Variants in HCN2 observed in about 807,000 individuals in gnomAD.
The protein encoded by HCN2 is potassium/sodium hyperpolarization-activated cyclic nucleotide-gated channel 2.
In HCN2, 20 loss-of-function variants were observed where a neutral mutation model predicts 52.3. The ratio of observed to expected loss-of-function variants is 0.38; its 90% confidence interval spans 0.27 to 0.56. The LOEUF is 0.56. HCN2 is among the 20% of genes least tolerant of loss of function. The pLI, the probability that HCN2 is intolerant of heterozygous loss-of-function variation, is 0.71. For synonymous variants in HCN2, 694 were observed against 537.0 expected (o/e 1.29, Z -4.04); for missense variants, 981 against 1,207.7 (o/e 0.81, Z 2.78).
chr19:590,882 G>A lies in HCN2; in HGVS notation c.632+305G>A. 4.8e-6 allele frequency: 1 copy of A among 207,248 alleles called. No individual in the cohort carries two copies. The highest frequency in any genetic ancestry group is 9.6e-6 in the Non-Finnish European group (1 of 104,102). 12.8% of individuals were successfully genotyped at this position (207,248 alleles called of 1,614,324 possible). On this transcript the variant is annotated intron_variant, in intron 1 of 7. Coordinates refer to ENST00000251287, the MANE Select transcript of HCN2 (RefSeq NM_001194.4). The surrounding 1 kb of genome is among the most constrained non-coding windows in gnomAD (Gnocchi z 7.2). ...GCCAGGGTCTGAGCGCAGAGGGGCA[G>A]AGAGGACGAATAGAGGGGAACGTGG...
At chr19:605,311 T>G in intron 3 of HCN2, 89 bp downstream of exon 3, 1 of 1,179,386 alleles carries the variant, frequency 8.5e-7, no homozygotes, top group South Asian at 1.5e-5. Context: ...TACAGAGGGT[T>G]GAACCCAAGC....
Position 598,013 on chromosome 19 carries a change from G to A in HCN2, c.633-5531G>A, listed in dbSNP as rs111387950. Among the ~76,000 whole-genome samples the A allele has an allele frequency of 5.6e-4, 85 of 152,290 alleles. 1 individual carries two copies. Among genetic ancestry groups the A allele is most frequent in the African/African-American group, 2.0e-3 (82 of 41,562 alleles). On this transcript the variant is annotated intron_variant, in intron 1 of 7. Coordinates refer to ENST00000251287, the MANE Select transcript of HCN2 (RefSeq NM_001194.4). ...TGGTTTTGTCCCAAGACTGGTGCTC[G>A]AAGGTGGGAGGCAGGTCTCAATCCA...
At position 613,987 on chromosome 19, in the gene HCN2, C is replaced by T. The variant is rs1983786126; in HGVS notation, c.1961C>T (p.Thr654Met). ...EYPMMRRAFE[T>M]VAIDRLDRIG... ...CCCATGATGCGGCGCGCCTTCGAGA[C>T]GGTGGCCATCGACCGCCTGGACCGC... Residue 654 changes from threonine to methionine, a missense_variant, in exon 7 of 8, where the codon ACG (threonine) becomes ATG (methionine). By Grantham distance (81) the Thr-to-Met change is moderately conservative. This residue lies in a region of HCN2 where 85 missense variants were observed against 106.1 expected (regional missense o/e 0.80). Transcript: ENST00000251287. 5.9e-6 allele frequency: 8 copies of T among 1,352,480 alleles called. No individual in the cohort carries two copies. The highest frequency in any genetic ancestry group is 7.8e-6 in the Non-Finnish European group (8 of 1,024,052). The allele number at this position is 1,352,480 out of a possible 1,614,324, so 83.8% of individuals were successfully genotyped here.
At chr19:606,803 A>G (rs1157115468) in intron 3 of HCN2, among the ~76,000 whole-genome samples, 2 of 151,028 alleles carry the variant, frequency 1.3e-5, no homozygotes, top group African/African-American at 4.9e-5. Context: ...GCGAGCTGAG[A>G]TCACACCATT....
intron 5 of HCN2, 79 bp from the exon 6 acceptor site, chr19:613,169 T>C: frequency 6.7e-7 from 1 of 1,502,090 alleles, no homozygotes; most frequent in Non-Finnish European, 8.9e-7. Context: ...GTCCGAGAGG[T>C]GAGCCGGTCC....
In HCN2 at chr19:613,765, A is replaced by C. The variant is rs868321813; in HGVS notation, c.1826-87A>C. On this transcript the variant is annotated intron_variant, in intron 6 of 7. Coordinates refer to ENST00000251287, the MANE Select transcript of HCN2 (RefSeq NM_001194.4). Reference sequence around the variant, plus strand: ...GGGTGGGAAGCGCCCACGCTGGCCAAGGTGCAGAGGCCGGGCCGTGTGCCT... The same window carrying C: ...GGGTGGGAAGCGCCCACGCTGGCCACGGTGCAGAGGCCGGGCCGTGTGCCT... 8.3e-6 allele frequency: 11 copies of C among 1,327,954 alleles called. No individual in the cohort carries two copies. The African/African-American group carries it at 1.6e-4, about 19-fold the overall frequency. 82.3% of individuals were successfully genotyped at this position (1,327,954 alleles called of 1,614,324 possible).
chr19:604,634 G>GACATCCGAGT (rs1983342117), intron 2 of HCN2, among the ~76,000 whole-genome samples: 2 of 96,310 alleles, frequency 2.1e-5, no homozygotes, highest in Non-Finnish European at 4.0e-5. Context: ...GGCGGGGTCA[G>GACATCCGAGT]GCAGCAAGGG....
chr19:611,070 G>A (rs987843917), intron 5 of HCN2, among the ~76,000 whole-genome samples: 21 of 152,156 alleles, frequency 1.4e-4, no homozygotes, highest in South Asian at 4.1e-4. Flanking sequence ...AAATTCATCC[G>A]TCGTTGGATC....
chr19:614,207 G>GGGCAGC (rs1275940231), intron 7 of HCN2, among the ~76,000 whole-genome samples, 191 bp downstream of exon 7: 1 of 152,206 alleles, frequency 6.6e-6, no homozygotes, highest in Non-Finnish European at 1.5e-5. Context: ...GCTGGGGCAG[G>GGGCAGC]GGCAGCGGCT....
At chr19:604,903 C>T (rs1443985027) in intron 2 of HCN2, among the ~76,000 whole-genome samples, 158 bp from the exon 3 acceptor site, 20 of 86,806 alleles carry the variant, frequency 2.3e-4, no homozygotes, top group South Asian at 4.8e-4. Flanking sequence ...GCGGGGGTCC[C>T]GGGGCAGGGC....
At chr19:611,216 C>CACA (rs1300178723) in intron 5 of HCN2, among the ~76,000 whole-genome samples, 1 of 152,222 alleles carries the variant, frequency 6.6e-6, no homozygotes, top group Non-Finnish European at 1.5e-5. Flanking sequence ...TAGTTCAACC[C>CACA]ACAACACACA....
chr19:604,023 T>C (rs1455466886), intron 2 of HCN2, 56 bp downstream of exon 2: 10 of 732,838 alleles, frequency 1.4e-5, no homozygotes, highest in Middle Eastern at 6.1e-4. Flanking sequence ...TAATGGTGCA[T>C]GGGCGGGGCC....
intron 3 of HCN2, among the ~76,000 whole-genome samples, chr19:606,155 A>G (rs139476460): frequency 6.6e-6 from 1 of 152,164 alleles, no homozygotes; most frequent in East Asian, 1.9e-4. Context: ...GCTGGAGTGC[A>G]GTGGCACGAT....
Position 605,096 on chromosome 19 carries a change from G to A in HCN2, c.1092G>A (p.Val364=), listed in dbSNP as rs756746044. 1.2e-6 allele frequency: 2 copies of A among 1,611,970 alleles called. No homozygotes were observed. Among genetic ancestry groups the A allele is most frequent in the South Asian group, 2.2e-5 (2 of 91,048 alleles). Residue 364 remains valine (V), a synonymous_variant, in exon 3 of 8, where the codon GTG becomes GTA. Coordinates refer to ENST00000251287, the MANE Select transcript of HCN2 (RefSeq NM_001194.4). ...FHMTYDLASA[V]MRICNLISMM... ...TGACCTATGACCTGGCCAGCGCGGT[G>A]ATGAGGATCTGCAATCTCATCAGCA...
chr19:602,670 C>T (rs558744528), intron 1 of HCN2, among the ~76,000 whole-genome samples: 1 of 152,362 alleles, frequency 6.6e-6, no homozygotes, highest in South Asian at 2.1e-4. Context: ...CTCTCTGCTC[C>T]TCTGCTGTCC....
rs1408344268 is a variant in HCN2, at chr19:616,438, G to A, written c.2634G>A (p.Gln878=). ...GCGCCGCCGGCGGCCTGGACCCCCA[G>A]GACTCCGCGCGCTCGCGCCTCTCGT... ...SPGAAGGLDP[Q]DSARSRLSSN... Residue 878 remains glutamine, a synonymous_variant, in exon 8 of 8, where the codon CAG becomes CAA. Transcript: ENST00000251287. 48 of 1,249,388 alleles carry A rather than the reference G, an allele frequency of 3.8e-5. No homozygotes were observed. Among genetic ancestry groups the A allele is most frequent in the Admixed American group, 1.3e-4 (3 of 23,282 alleles). 77.4% of individuals were successfully genotyped at this position (1,249,388 alleles called of 1,614,324 possible). A position where few individuals can be genotyped will look rare whatever the true frequency, so the allele number is the denominator to read the frequency against.
At chr19:600,422 C>A (rs769315507) in intron 1 of HCN2, among the ~76,000 whole-genome samples, 1 of 152,164 alleles carries the variant, frequency 6.6e-6, no homozygotes, top group Non-Finnish European at 1.5e-5. Flanking sequence ...CTCACTGCAA[C>A]CTCCGCCTCA....
At chr19:615,471 G>A (rs1405489921) in intron 7 of HCN2, among the ~76,000 whole-genome samples, 7 of 152,270 alleles carry the variant, frequency 4.6e-5, no homozygotes, top group Non-Finnish European at 7.3e-5. Flanking sequence ...CCGAGATCGC[G>A]CCACTGCACT....
chr19:613,108 G>A (rs964888491), intron 5 of HCN2, 140 bp from the exon 6 acceptor site: 24 of 1,157,664 alleles, frequency 2.1e-5, no homozygotes, highest in Non-Finnish European at 2.5e-5. Flanking sequence ...GGCGGCAGCA[G>A]CTCGGTTCCG....
Sources: gnomAD v4.1 joint callset for allele counts (sites outside exome capture counted in the v4.1 genomes callset) on GRCh38, gnomAD v4.1.1 for gene constraint, gnomAD v4.1.1 regional missense constraint, Gnocchi (gnomAD v3.1) non-coding constraint, MANE v1.5 for transcripts, NCBI Gene and HGNC (gene_info 2026-07-23, HGNC 2026-07-21) for gene names.